The following SLC5A7 variants were observed in gnomAD, a reference collection of about 807,000 sequenced individuals.
The protein encoded by SLC5A7 is high affinity choline transporter 1.
In SLC5A7, 19 loss-of-function variants were observed where a neutral mutation model predicts 55.4. The observed-to-expected ratio is 0.34, with a 90% CI of 0.24 to 0.50. SLC5A7 has a LOEUF of 0.50. Ranked by LOEUF, SLC5A7 falls within the 20% of genes least tolerant of loss-of-function variation. The pLI, the probability that SLC5A7 is intolerant of heterozygous loss-of-function variation, is 0.98. For synonymous variants in SLC5A7, 265 were observed against 263.7 expected, an observed-to-expected ratio of 1.00 and a Z score of -0.05; for missense variants, 506 against 705.3, an observed-to-expected ratio of 0.72 and a Z score of 3.20.
In SLC5A7 at chr2:108,008,348, C is replaced by G. The variant is rs974483537; in HGVS notation, c.896-117C>G. The G allele has an allele frequency of 1.8e-5, 13 of 713,970 alleles. 1 individual carries two copies. The highest frequency in any genetic ancestry group is 3.0e-5 in the Non-Finnish European group (13 of 426,484). 44.2% of individuals were successfully genotyped at this position (713,970 alleles called of 1,614,324 possible). ...ACCAGCACATGGACTTCACACCAGA[C>G]TAATGTATATGATTCTGAGTTTATT... On this transcript the variant is annotated intron_variant, in intron 7 of 8. Coordinates refer to ENST00000264047, the MANE Select transcript of SLC5A7 (RefSeq NM_021815.5).
chr2:107,988,301 T>C lies in SLC5A7; in HGVS notation c.146T>C (p.Ile49Thr), dbSNP rs764607015. 1.2e-6 allele frequency: 2 copies of C among 1,613,856 alleles called. No homozygotes were observed. The highest frequency in any genetic ancestry group is 1.1e-5 in the South Asian group (1 of 91,052). ...GCCATCATAGTTGGTGGCCGAGATA[T>C]TGGTTTATTGGTTGGTGGATTTACC... The part of the protein sequence containing the change: ...SEAIIVGGRD[I>T]GLLVGGFTMT... Residue 49 changes from isoleucine (I) to threonine (T), a missense_variant, in exon 2 of 9, where the codon ATT becomes ACT. Around this residue, in one of 4 missense-constraint regions of SLC5A7, gnomAD observed 56 missense variants for 62.6 expected, o/e 0.89. Transcript: ENST00000264047.
intron 6 of SLC5A7, among the ~76,000 whole-genome samples, chr2:108,002,500 A>G (rs886423995): frequency 6.6e-6 from 1 of 151,032 alleles, no homozygotes; most frequent in Non-Finnish European, 1.5e-5. Flanking sequence ...CATGTCACTC[A>G]GGAAAGATGC....
In SLC5A7 at chr2:108,002,009, T is replaced by C. The variant is rs1677928422; in HGVS notation, c.710T>C (p.Val237Ala). The change falls in exon 6 of 9, where the codon GTC becomes GCC. Residue 237 changes from valine (V) to alanine (A), a missense_variant. Val to Ala is a moderately conservative substitution (Grantham distance 64, BLOSUM62 0). This residue lies in a region of SLC5A7 where 309 missense variants were observed against 478.6 expected (regional missense o/e 0.65). Coordinates refer to ENST00000264047, the MANE Select transcript of SLC5A7 (RefSeq NM_021815.5). ...PWLGTVDSSE[V>A]YSWLDSFLLL... ...CTGGGAACTGTTGACTCATCTGAAG[T>C]CTACTCTTGGCTTGATAGTTTTCTG... is the stretch of plus-strand genomic sequence containing the variant. The C allele has an allele frequency of 6.2e-7, 1 of 1,614,052 alleles. No individual in the cohort carries two copies. The highest frequency in any genetic ancestry group is 8.5e-7 in the Non-Finnish European group (1 of 1,180,004).
At chr2:108,001,652 G>T (rs1365351485) in intron 5 of SLC5A7, among the ~76,000 whole-genome samples, 1 of 130,878 alleles carries the variant, frequency 7.6e-6, no homozygotes, top group African/African-American at 2.9e-5. Flanking sequence ...CAGCCTGGGC[G>T]ACAGAGCGAG....
chr2:108,008,709 A>G, intron 8 of SLC5A7, 27 bp downstream of exon 8: 4 of 1,571,622 alleles, frequency 2.5e-6, no homozygotes, highest in Non-Finnish European at 3.5e-6. Flanking sequence ...TCAACCTGAC[A>G]TTTACTAGCA....
At chr2:108,006,615 T>A (rs757693740) in intron 7 of SLC5A7, among the ~76,000 whole-genome samples, 9 of 152,160 alleles carry the variant, frequency 5.9e-5, no homozygotes, top group Non-Finnish European at 1.5e-5. Flanking sequence ...TATGCACTCC[T>A]GTCAGCAGTG....
chr2:107,996,440 T>A (rs1677673602), intron 4 of SLC5A7, among the ~76,000 whole-genome samples: 1 of 152,172 alleles, frequency 6.6e-6, no homozygotes, highest in Non-Finnish European at 1.5e-5. Flanking sequence ...GATCAACACA[T>A]CTTATATTGA....
At chr2:108,006,898 G>T (rs1678144941) in intron 7 of SLC5A7, among the ~76,000 whole-genome samples, 1 of 152,050 alleles carries the variant, frequency 6.6e-6, no homozygotes, top group South Asian at 2.1e-4. Context: ...TTAATTAGGG[G>T]TTTTCTTTCT....
intron 2 of SLC5A7, among the ~76,000 whole-genome samples, chr2:107,990,393 T>G (rs947870332): frequency 1.3e-5 from 2 of 152,188 alleles, no homozygotes; most frequent in Admixed American, 6.5e-5. Context: ...ATCAGACCAT[T>G]TACTTTATGC....
chr2:108,006,746 A>C (rs1285885353), intron 7 of SLC5A7, among the ~76,000 whole-genome samples: 1 of 152,168 alleles, frequency 6.6e-6, no homozygotes, highest in Non-Finnish European at 1.5e-5. Flanking sequence ...AGAGATGGGC[A>C]CTAGTGTTCT....
intron 5 of SLC5A7, among the ~76,000 whole-genome samples, chr2:107,998,448 C>G (rs922405896): frequency 6.6e-6 from 1 of 152,052 alleles, no homozygotes; most frequent in Non-Finnish European, 1.5e-5. Context: ...TATTTGTGGT[C>G]TAAAAACAAA....
At chr2:107,998,180 A>T (rs17269279) in intron 5 of SLC5A7, among the ~76,000 whole-genome samples, 194 bp downstream of exon 5, 1 of 152,344 alleles carries the variant, frequency 6.6e-6, no homozygotes, top group East Asian at 1.9e-4. Flanking sequence ...AATTTGACAG[A>T]AAAGTGTGCT....
At chr2:107,990,593 G>T (rs1371493360) in intron 2 of SLC5A7, among the ~76,000 whole-genome samples, 2 of 152,038 alleles carry the variant, frequency 1.3e-5, no homozygotes, top group African/African-American at 4.8e-5. Flanking sequence ...TTTGTTATTT[G>T]TTAACACTGA....
At position 108,010,990 on chromosome 2, in the gene SLC5A7, A is replaced by G. The variant is rs1678307609; in HGVS notation, c.*129A>G. 10 of 1,028,160 alleles carry G rather than the reference A, an allele frequency of 9.7e-6. No homozygotes were observed. Among genetic ancestry groups the G allele is most frequent in the Non-Finnish European group, 1.3e-5 (10 of 763,728 alleles). The allele number at this position is 1,028,160 out of a possible 1,614,324, so 63.7% of individuals were successfully genotyped here. ...TGTTCAGGAGAGTAAAAATTCATAT[A>G]AAGTGCAATTGCACAAATACAAGCC... On this transcript the variant is annotated 3_prime_UTR_variant, in exon 9 of 9. Transcript: ENST00000264047.
chr2:107,990,142 A>G (rs1412667356), intron 2 of SLC5A7, among the ~76,000 whole-genome samples: 1 of 152,234 alleles, frequency 6.6e-6, no homozygotes, highest in African/African-American at 2.4e-5. Flanking sequence ...ATATATTTTA[A>G]GAGGTTGTGT....
intron 6 of SLC5A7, 60 bp from the exon 7 acceptor site, chr2:108,005,989 T>G (rs1219766524): frequency 6.2e-7 from 1 of 1,600,092 alleles, no homozygotes; most frequent in Non-Finnish European, 8.5e-7. Context: ...GTGATTGCAA[T>G]AAAACTCTTT....
chr2:108,006,020 G>C, intron 6 of SLC5A7, 29 bp from the exon 7 acceptor site: 1 of 1,612,048 alleles, frequency 6.2e-7, no homozygotes. Flanking sequence ...ATAGATGTTT[G>C]CCTCTCCATC....
At chr2:107,988,374 C>T (rs1273143228) in intron 2 of SLC5A7, 41 bp downstream of exon 2, 1 of 1,572,194 alleles carries the variant, frequency 6.4e-7, no homozygotes, top group Non-Finnish European at 8.7e-7. Flanking sequence ...TCCTCCCTTC[C>T]TTGGCATCTG....
At chr2:108,004,051 A>G in intron 6 of SLC5A7, among the ~76,000 whole-genome samples, 1 of 152,120 alleles carries the variant, frequency 6.6e-6, no homozygotes, top group South Asian at 2.1e-4. Context: ...TGACCTGATT[A>G]TTTCCCAAAG....
Sources: allele counts gnomAD v4.1 joint callset (sites outside exome capture counted in the v4.1 genomes callset), GRCh38; gene constraint gnomAD v4.1.1; regional missense constraint gnomAD v4.1.1; transcripts MANE v1.5; gene names NCBI Gene and HGNC (gene_info 2026-07-23, HGNC 2026-07-21).